BZW2: variants seen among roughly 807,000 people sequenced by gnomAD.
BZW2 encodes basic leucine zipper and W2 domains 2.
Under a neutral mutation model 53.2 loss-of-function variants are expected in BZW2, and 23 were observed. That is an observed-to-expected ratio of 0.43 (90% CI 0.31 to 0.61). The LOEUF is 0.61. Among genes scored for constraint, BZW2 ranks in the 20% least tolerant of loss-of-function variants. The probability of loss-of-function intolerance (pLI) is 0.09; values close to 1 mark genes in which losing one functional copy is unlikely to be tolerated. For synonymous variants in BZW2, 227 were observed against 186.4 expected, an observed-to-expected ratio of 1.22 and a Z score of -1.77; for missense variants, 409 against 503.1, an observed-to-expected ratio of 0.81 and a Z score of 1.79.
intron 3 of BZW2, among the ~76,000 whole-genome samples, chr7:16,677,789 A>G (rs955158292): frequency 1.1e-4 from 17 of 152,166 alleles, no homozygotes; most frequent in African/African-American, 4.1e-4. Flanking sequence ...CCAGTAAATA[A>G]TAATTTGGGC....
At chr7:16,684,994 C>T (rs1003249671) in intron 5 of BZW2, among the ~76,000 whole-genome samples, 5 of 152,110 alleles carry the variant, frequency 3.3e-5, no homozygotes, top group African/African-American at 4.8e-5. Context: ...TTTGCATTGG[C>T]GCAAAATAAT....
intron 2 of BZW2, among the ~76,000 whole-genome samples, chr7:16,672,367 A>G (rs1407844916): frequency 5.3e-5 from 8 of 150,432 alleles, no homozygotes; most frequent in Admixed American, 3.3e-4. Flanking sequence ...CCTTTTTTCT[A>G]TTTTCTGAAA....
intron 1 of BZW2, among the ~76,000 whole-genome samples, chr7:16,649,117 C>T (rs2128349136): frequency 6.6e-6 from 1 of 152,286 alleles, no homozygotes; most frequent in Non-Finnish European, 1.5e-5. Context: ...ATTGCTTCTT[C>T]ATCTGAATCT....
chr7:16,647,832 C>A (rs963253563), intron 1 of BZW2, among the ~76,000 whole-genome samples: 7 of 152,240 alleles, frequency 4.6e-5, no homozygotes, highest in Non-Finnish European at 2.9e-5. Flanking sequence ...GATGCATACA[C>A]ATAATTGGGT....
In BZW2 at chr7:16,686,394, T is replaced by C. The variant is rs554675001; in HGVS notation, c.541+354T>C. 4 of 217,764 alleles carry C rather than the reference T, an allele frequency of 1.8e-5. No homozygotes were observed. The Admixed American group carries it at 2.0e-4, about 11-fold the overall frequency. 13.5% of individuals were successfully genotyped at this position (217,764 alleles called of 1,614,324 possible). A position where few individuals can be genotyped will look rare whatever the true frequency, so the allele number is the denominator to read the frequency against. The stretch of plus-strand genomic sequence containing the variant: ...TGGCAGCCTTTAACTTTCACCCCTA[T>C]TATAAGAACAAAAACTGTTCCCCTC... On this transcript the variant is annotated intron_variant, in intron 6 of 11. Coordinates refer to ENST00000258761, the MANE Select transcript of BZW2 (RefSeq NM_014038.3).
At chr7:16,678,874 C>T (rs748390417) in intron 3 of BZW2, among the ~76,000 whole-genome samples, 6 of 151,726 alleles carry the variant, frequency 4.0e-5, no homozygotes, top group Non-Finnish European at 7.4e-5. Flanking sequence ...TTTTTATTAG[C>T]GATTTCCAAA....
intron 6 of BZW2, 110 bp from the exon 7 acceptor site, chr7:16,689,687 A>G: frequency 1.2e-6 from 1 of 807,434 alleles, no homozygotes. Context: ...ATTTGTACCA[A>G]AATTAGTCTT....
At chr7:16,703,300 G>GT (rs1157458523) in intron 10 of BZW2, among the ~76,000 whole-genome samples, 1 of 151,912 alleles carries the variant, frequency 6.6e-6, no homozygotes, top group Non-Finnish European at 1.5e-5. Context: ...TAATAAACAT[G>GT]TTTTTTTAAA....
Position 16,656,553 on chromosome 7 carries a change from G to GCACACACACA in BZW2, c.-7-8883_-7-8882insACACACACAC, listed in dbSNP as rs1301100071. Among the ~76,000 whole-genome samples, 54 of 119,916 alleles carry GCACACACACA rather than the reference G, an allele frequency of 4.5e-4. 1 individual carries two copies. Among genetic ancestry groups the GCACACACACA allele is most frequent in the African/African-American group, 1.9e-3 (50 of 26,580 alleles). 78.7% of individuals were successfully genotyped at this position (119,916 alleles called of 152,430 possible). On this transcript the variant is annotated intron_variant, in intron 1 of 11. Coordinates refer to ENST00000258761, the MANE Select transcript of BZW2 (RefSeq NM_014038.3). ...TCATCAAGCACTCCCCAGCGCGCGCGCGCACACACACACACACACACACAC... is the reference window on the plus strand; with the variant it reads ...TCATCAAGCACTCCCCAGCGCGCGCGCACACACACACGCACACACACACACACACACACAC...
rs563255458 is a variant in BZW2, at chr7:16,695,713, C to T, written c.822+709C>T. Among the ~76,000 whole-genome samples, 896 of 152,126 alleles carry T rather than the reference C, an allele frequency of 5.9e-3. 7 individuals carry two copies. The highest frequency in any genetic ancestry group is 0.02 in the African/African-American group (849 of 41,494). ...TAAAAATTAATATAAAGCGTCCTTT[C>T]TTTTTTTCCACGTGCTCTAAAATGC... is the stretch of plus-strand genomic sequence containing the variant. On this transcript the variant is annotated intron_variant, in intron 8 of 11. Transcript: ENST00000258761.
At chr7:16,671,118 G>A (rs1782584246) in intron 2 of BZW2, among the ~76,000 whole-genome samples, 2 of 152,122 alleles carry the variant, frequency 1.3e-5, no homozygotes, top group African/African-American at 4.8e-5. Flanking sequence ...GATTTTTTCT[G>A]TTGGAGATAG....
rs1195839635 is a variant in BZW2, at chr7:16,681,529, G to A, written c.339+125G>A. 89 of 782,484 alleles carry A rather than the reference G, an allele frequency of 1.1e-4. 1 individual carries two copies. The African/African-American group carries it at 1.4e-3, about 13-fold the overall frequency. 48.5% of individuals were successfully genotyped at this position (782,484 alleles called of 1,614,324 possible). A position where few individuals can be genotyped will look rare whatever the true frequency, so the allele number is the denominator to read the frequency against. ...GCCTTTAAACTTATGAAAATAATGG[G>A]CATTAAAACTACAAAAATAGGCCTA... On this transcript the variant is annotated intron_variant, in intron 4 of 11. Transcript: ENST00000258761.
chr7:16,693,979 A>T (rs1269193111), intron 7 of BZW2, among the ~76,000 whole-genome samples: 3 of 152,204 alleles, frequency 2.0e-5, no homozygotes, highest in East Asian at 1.9e-4. Flanking sequence ...GGCCATATAT[A>T]TGCAAGTCTA....
chr7:16,659,788 T>G (rs1432102830), intron 1 of BZW2, among the ~76,000 whole-genome samples: 1 of 152,148 alleles, frequency 6.6e-6, no homozygotes, highest in Non-Finnish European at 1.5e-5. Context: ...TATTATATCT[T>G]TATGAAACGT....
chr7:16,662,253 G>A (rs1481582404), intron 1 of BZW2: 1 of 152,080 alleles, frequency 6.6e-6, no homozygotes, highest in African/African-American at 2.4e-5. Flanking sequence ...CACCACCAGT[G>A]GGTGAGTTTT....
chr7:16,656,121 G>GTA (rs1782114770), intron 1 of BZW2, among the ~76,000 whole-genome samples: 2 of 143,812 alleles, frequency 1.4e-5, no homozygotes, highest in Non-Finnish European at 3.0e-5. Flanking sequence ...ATATATGTGT[G>GTA]TATATATATA....
At chr7:16,704,744 C>T in intron 11 of BZW2, 75 bp downstream of exon 11, 9 of 1,348,154 alleles carry the variant, frequency 6.7e-6, no homozygotes, top group Non-Finnish European at 7.8e-6. Flanking sequence ...ACCTCTTCCA[C>T]AGATTTTACT....
chr7:16,652,539 G>C (rs142459662), intron 1 of BZW2, among the ~76,000 whole-genome samples: 2 of 152,068 alleles, frequency 1.3e-5, no homozygotes, highest in Non-Finnish European at 2.9e-5. Flanking sequence ...CTTTTGAGAC[G>C]GAGTTTCGCT....
chr7:16,658,792 T>G (rs1782180469), intron 1 of BZW2, among the ~76,000 whole-genome samples: 1 of 151,878 alleles, frequency 6.6e-6, no homozygotes, highest in Non-Finnish European at 1.5e-5. Flanking sequence ...GGAGAATCAC[T>G]TGAACCCAGG....
Sources: gnomAD v4.1 joint callset for allele counts (sites outside exome capture counted in the v4.1 genomes callset) on GRCh38, gnomAD v4.1.1 for gene constraint, MANE v1.5 for transcripts, NCBI Gene and HGNC (gene_info 2026-07-23, HGNC 2026-07-21) for gene names.